The following KAZN variants were observed in gnomAD, a reference collection of about 807,000 sequenced individuals.
KAZN encodes kazrin.
Under a neutral mutation model 87.4 loss-of-function variants are expected in KAZN, and 40 were observed. That is an observed-to-expected ratio of 0.46 (90% CI 0.36 to 0.60). The LOEUF is 0.60. Among genes scored for constraint, KAZN ranks in the 20% least tolerant of loss-of-function variants. The pLI, the probability that KAZN is intolerant of heterozygous loss-of-function variation, is 0.00. For missense variants in KAZN, 898 were observed against 1,073.9 expected, an observed-to-expected ratio of 0.84 and a Z score of 2.29; for synonymous variants, 466 against 458.3, an observed-to-expected ratio of 1.02 and a Z score of -0.22.
chr1:15,074,537 A>G (rs1639653501), intron 8 of KAZN, among the ~76,000 whole-genome samples: 1 of 152,168 alleles, frequency 6.6e-6, no homozygotes, highest in Non-Finnish European at 1.5e-5. Context: ...CCCTGGTAGA[A>G]CAGGAAATAG....
chr1:13,935,225 G>A (rs905444532), intron 1 of KAZN, among the ~76,000 whole-genome samples: 3 of 150,454 alleles, frequency 2.0e-5, no homozygotes, highest in African/African-American at 2.5e-5. Context: ...CAGCAAGAGC[G>A]AAACTCCGTA....
At chr1:14,627,284 C>A (rs1679213697) in intron 1 of KAZN, among the ~76,000 whole-genome samples, 1 of 151,942 alleles carries the variant, frequency 6.6e-6, no homozygotes, top group Non-Finnish European at 1.5e-5. Flanking sequence ...TGTGCAGAGG[C>A]CCATGAGGCT....
At chr1:14,214,842 G>T (rs574455822) in intron 2 of KAZN, among the ~76,000 whole-genome samples, 3 of 152,218 alleles carry the variant, frequency 2.0e-5, no homozygotes, top group African/African-American at 7.2e-5. Context: ...GCCCAAGGCC[G>T]TGTGCTGAGC....
intron 1 of KAZN, among the ~76,000 whole-genome samples, chr1:14,940,176 A>G (rs933344250): frequency 6.6e-6 from 1 of 152,196 alleles, no homozygotes; most frequent in African/African-American, 2.4e-5. Flanking sequence ...CCTGTGGGAA[A>G]GTAGCTGTGG....
At chr1:14,448,058 G>A (rs1243365018) in intron 2 of KAZN, among the ~76,000 whole-genome samples, 1 of 152,194 alleles carries the variant, frequency 6.6e-6, no homozygotes, top group African/African-American at 2.4e-5. Context: ...CTTGTCCACA[G>A]GACAAACTGT....
At chr1:14,175,196 C>T (rs1160887946) in intron 1 of KAZN, among the ~76,000 whole-genome samples, 3 of 152,176 alleles carry the variant, frequency 2.0e-5, no homozygotes, top group East Asian at 1.9e-4. Context: ...CTCCGCCTCC[C>T]GGGTTCACCC....
chr1:14,732,165 C>G (rs1195426798), intron 1 of KAZN, among the ~76,000 whole-genome samples: 1 of 152,158 alleles, frequency 6.6e-6, no homozygotes, highest in Non-Finnish European at 1.5e-5. Context: ...CCTTTGATGA[C>G]AGCATTTGTT....
At chr1:15,067,641 C>G (rs1451871530) in intron 8 of KAZN, 2 of 985,296 alleles carry the variant, frequency 2.0e-6, no homozygotes, top group African/African-American at 3.5e-5. Flanking sequence ...TATCAGAAGG[C>G]ATAGGACATT....
chr1:13,923,260 TAAGAAAATAATA>T lies in KAZN; in HGVS notation c.91+29514_91+29525del, dbSNP rs369581940. Reference sequence around the variant, plus strand: ...CAGTAAGCTAGAGAAAAAAGGTTATTAAGAAAATAATAAAGAAAATATAATTACCATGGCTGG... The same window carrying T: ...CAGTAAGCTAGAGAAAAAAGGTTATTAAGAAAATATAATTACCATGGCTGG... On this transcript the variant is annotated intron_variant, in intron 1 of 16. Transcript: ENST00000636203. Among the ~76,000 whole-genome samples the T allele has an allele frequency of 3.8e-3, 573 of 152,254 alleles. 3 individuals are homozygous for T. The highest frequency in any genetic ancestry group is 0.013 in the African/African-American group (553 of 41,540).
intron 2 of KAZN, among the ~76,000 whole-genome samples, chr1:14,473,086 C>T (rs1313695379): frequency 2.0e-5 from 3 of 152,032 alleles, no homozygotes; most frequent in Non-Finnish European, 4.4e-5. Context: ...AATTATTCTC[C>T]GTGATCAGGG....
At chr1:14,905,982 C>T (rs1236816014) in intron 1 of KAZN, among the ~76,000 whole-genome samples, 1 of 151,392 alleles carries the variant, frequency 6.6e-6, no homozygotes, top group Admixed American at 6.6e-5. Flanking sequence ...TCCTGGCCAA[C>T]ACGGTGAGAC....
At chr1:14,644,448 G>A (rs762509792) in intron 1 of KAZN, among the ~76,000 whole-genome samples, 7 of 145,872 alleles carry the variant, frequency 4.8e-5, no homozygotes, top group Non-Finnish European at 7.5e-5. Context: ...TGCAAGCTCC[G>A]CCTACCAGGT....
At chr1:13,994,198 T>G (rs2101119341) in intron 1 of KAZN, among the ~76,000 whole-genome samples, 1 of 152,328 alleles carries the variant, frequency 6.6e-6, no homozygotes, top group African/African-American at 2.4e-5. Flanking sequence ...ATGGCATTTT[T>G]TGTCCCTTCT....
intron 1 of KAZN, among the ~76,000 whole-genome samples, chr1:14,868,204 T>TA (rs1400180846): frequency 6.6e-6 from 1 of 151,960 alleles, no homozygotes; most frequent in Non-Finnish European, 1.5e-5. Context: ...ACGCATCACA[T>TA]ACGCAGGCAT....
At chr1:14,610,348 G>T (rs973929876) in intron 1 of KAZN, among the ~76,000 whole-genome samples, 1 of 151,994 alleles carries the variant, frequency 6.6e-6, no homozygotes, top group Admixed American at 6.6e-5. Context: ...GCTGGGACAC[G>T]AGTGGCTGGG....
At chr1:14,439,670 G>A (rs775600424) in intron 2 of KAZN, among the ~76,000 whole-genome samples, 7 of 152,166 alleles carry the variant, frequency 4.6e-5, no homozygotes, top group African/African-American at 7.2e-5. Context: ...TTTGTTTCAC[G>A]TTAATTAATT....
chr1:14,881,232 G>A (rs1653306029), intron 1 of KAZN, among the ~76,000 whole-genome samples: 1 of 152,224 alleles, frequency 6.6e-6, no homozygotes, highest in Non-Finnish European at 1.5e-5. Context: ...ATGATAAGCA[G>A]GGTGTTTCCA....
intron 13 of KAZN, among the ~76,000 whole-genome samples, chr1:15,110,345 T>A (rs1160752362): frequency 6.6e-6 from 1 of 150,808 alleles, no homozygotes; most frequent in Non-Finnish European, 1.5e-5. Flanking sequence ...TGTATATGTG[T>A]GTATGTTTGT....
intron 1 of KAZN, among the ~76,000 whole-genome samples, chr1:14,070,061 C>T (rs1399335742): frequency 2.7e-5 from 4 of 150,186 alleles, no homozygotes; most frequent in South Asian, 2.1e-4. Context: ...CCCAGCTACT[C>T]GGGAGGCTAA....
Sources: gnomAD v4.1 joint callset for allele counts (sites outside exome capture counted in the v4.1 genomes callset) on GRCh38, gnomAD v4.1.1 for gene constraint, MANE v1.5 for transcripts, NCBI Gene and HGNC (gene_info 2026-07-23, HGNC 2026-07-21) for gene names.